The following DGKG variants were observed in gnomAD, a reference collection of about 807,000 sequenced individuals.
DGKG encodes the protein diacylglycerol kinase gamma.
Under a neutral mutation model 105.3 loss-of-function variants are expected in DGKG, and 78 were observed. The ratio of observed to expected loss-of-function variants is 0.74; its 90% confidence interval spans 0.62 to 0.89. DGKG has a LOEUF of 0.89. Among genes scored for constraint, DGKG ranks in the 40% least tolerant of loss-of-function variants. DGKG has a pLI of 0.00. For synonymous variants in DGKG, 346 were observed against 367.1 expected, an observed-to-expected ratio of 0.94 and a Z score of 0.66; for missense variants, 958 against 1,020.1, an observed-to-expected ratio of 0.94 and a Z score of 0.83.
chr3:186,353,702 A>ATATCTATATCTATATC lies in DGKG; in HGVS notation c.-249+8243_-249+8244insGATATAGATATAGATA, dbSNP rs1553825821. ...TATATCTATATCTATATCTATATCTATATAACAGTGGACTCTGTTCCACTC... is the reference window on the plus strand; with the variant it reads ...TATATCTATATCTATATCTATATCTATATCTATATCTATATCTATAACAGTGGACTCTGTTCCACTC... On this transcript the variant is annotated intron_variant, in intron 1 of 24. Coordinates refer to ENST00000265022, the MANE Select transcript of DGKG (RefSeq NM_001346.3). Among the ~76,000 whole-genome samples the ATATCTATATCTATATC allele has an allele frequency of 3.2e-3, 398 of 125,850 alleles. 1 individual carries two copies. Among genetic ancestry groups the ATATCTATATCTATATC allele is most frequent in the Admixed American group, 5.5e-3 (70 of 12,812 alleles). 82.6% of individuals were successfully genotyped at this position (125,850 alleles called of 152,430 possible). A position where few individuals can be genotyped will look rare whatever the true frequency, so the allele number is the denominator to read the frequency against.
intron 16 of DGKG, among the ~76,000 whole-genome samples, chr3:186,259,814 A>G (rs1721671765): frequency 6.6e-6 from 1 of 152,166 alleles, no homozygotes; most frequent in African/African-American, 2.4e-5. Context: ...GCAGCTCACC[A>G]TTAGCCGCAG....
chr3:186,261,563 G>C, intron 15 of DGKG, 136 bp downstream of exon 15: 2 of 703,144 alleles, frequency 2.8e-6, no homozygotes, highest in Admixed American at 2.1e-5. Flanking sequence ...ACTTGGGCCA[G>C]GTCATAAAGT....
At chr3:186,186,404 T>C (rs1255303538) in intron 22 of DGKG, among the ~76,000 whole-genome samples, 1 of 152,122 alleles carries the variant, frequency 6.6e-6, no homozygotes, top group Non-Finnish European at 1.5e-5. Flanking sequence ...GTAGCAATGG[T>C]GTTCAAACCT....
intron 2 of DGKG, among the ~76,000 whole-genome samples, chr3:186,311,199 C>G (rs555182861): frequency 2.0e-5 from 3 of 152,236 alleles, no homozygotes; most frequent in East Asian, 3.9e-4. Flanking sequence ...TAAAAGCTTC[C>G]TGGAATTCAG....
chr3:186,272,889 G>A (rs1160149450), intron 10 of DGKG, among the ~76,000 whole-genome samples: 6 of 152,014 alleles, frequency 3.9e-5, no homozygotes, highest in Admixed American at 6.6e-5. Context: ...CACCACGCCC[G>A]GCTAATTTTT....
At chr3:186,332,158 T>G (rs6770885) in intron 1 of DGKG, among the ~76,000 whole-genome samples, 48,293 of 152,070 alleles carry the variant, frequency 0.32, 9,354 homozygotes, top group African/African-American at 0.55. Flanking sequence ...GAAGCCAGAA[T>G]AAAAACCATG....
chr3:186,277,831 A>G (rs1443935258), intron 9 of DGKG, among the ~76,000 whole-genome samples: 1 of 152,092 alleles, frequency 6.6e-6, no homozygotes, highest in African/African-American at 2.4e-5. Flanking sequence ...TGTTTTGCAA[A>G]TATCTCATTC....
intron 5 of DGKG, among the ~76,000 whole-genome samples, chr3:186,291,338 A>G (rs1460984649): frequency 6.6e-6 from 1 of 151,622 alleles, no homozygotes; most frequent in African/African-American, 2.4e-5. Context: ...AACGTTCTTA[A>G]TATTTTAGCA....
Position 186,349,438 on chromosome 3 carries a change from T to C in DGKG, c.-249+12508A>G, listed in dbSNP as rs1392313789. On this transcript the variant is annotated intron_variant, in intron 1 of 24. Coordinates refer to ENST00000265022, the MANE Select transcript of DGKG (RefSeq NM_001346.3). ...TTTCAAAGCAGGCAAAGTTTCACAA[T>C]CTCAGATTGCTCTCTTTCAGATTGC... Among the ~76,000 whole-genome samples the C allele has an allele frequency of 2.6e-5, 4 of 152,344 alleles. No homozygotes were observed. In the East Asian group the frequency reaches 5.8e-4, roughly 22 times the overall value.
intron 19 of DGKG, 72 bp from the exon 20 acceptor site, chr3:186,242,640 A>C (rs1720744562): frequency 1.5e-6 from 2 of 1,327,892 alleles, no homozygotes; most frequent in Non-Finnish European, 2.1e-6. Context: ...GAAGGGACGC[A>C]CGCATGCACT....
At chr3:186,162,051 C>T (rs139862974) in intron 23 of DGKG, among the ~76,000 whole-genome samples, 7 of 152,280 alleles carry the variant, frequency 4.6e-5, no homozygotes, top group African/African-American at 1.4e-4. Context: ...TGTGCCACCA[C>T]ACCCAGTTAA....
At chr3:186,280,014 C>T (rs1166273606) in intron 8 of DGKG, 41 bp from the exon 9 acceptor site, 18 of 1,610,806 alleles carry the variant, frequency 1.1e-5, no homozygotes, top group African/African-American at 2.7e-5. Context: ...TTTTCATCAT[C>T]GACATGTCTA....
intron 1 of DGKG, among the ~76,000 whole-genome samples, chr3:186,344,923 G>A (rs1726258264): frequency 6.6e-6 from 1 of 152,030 alleles, no homozygotes; most frequent in Non-Finnish European, 1.5e-5. Flanking sequence ...ATATTACGCA[G>A]CATATAATTT....
chr3:186,233,503 G>A (rs1211941778), intron 20 of DGKG, among the ~76,000 whole-genome samples: 1 of 152,136 alleles, frequency 6.6e-6, no homozygotes, highest in African/African-American at 2.4e-5. Flanking sequence ...TTTTTGAGAC[G>A]GAGTCTCGCT....
chr3:186,172,138 C>T (rs35399753), intron 22 of DGKG, among the ~76,000 whole-genome samples: 13 of 152,312 alleles, frequency 8.5e-5, no homozygotes, highest in Admixed American at 7.2e-4. Context: ...TGAGCCACCG[C>T]GCCCAGTGCC....
intron 13 of DGKG, among the ~76,000 whole-genome samples, chr3:186,266,360 G>A (rs1257533151): frequency 6.6e-6 from 1 of 152,146 alleles, no homozygotes; most frequent in Admixed American, 6.5e-5. Flanking sequence ...GCCAGATGCC[G>A]ATATGCCTCA....
intron 24 of DGKG, among the ~76,000 whole-genome samples, chr3:186,157,796 G>GA (rs1716109590): frequency 1.3e-5 from 2 of 152,120 alleles, no homozygotes. Flanking sequence ...CTCTGCCTCT[G>GA]AGTTCAAGCG....
At chr3:186,259,800 A>T (rs1721670040) in intron 16 of DGKG, among the ~76,000 whole-genome samples, 1 of 152,046 alleles carries the variant, frequency 6.6e-6, no homozygotes, top group Non-Finnish European at 1.5e-5. Flanking sequence ...CATCACAGAG[A>T]CCTGCAGCTC....
intron 1 of DGKG, among the ~76,000 whole-genome samples, chr3:186,331,335 T>A (rs960979498): frequency 1.1e-4 from 17 of 152,212 alleles, no homozygotes; most frequent in Non-Finnish European, 1.8e-4. Context: ...ATTTCACAGA[T>A]AACTGAATTA....
Sources: gnomAD v4.1 joint callset for allele counts (sites outside exome capture counted in the v4.1 genomes callset) on GRCh38, gnomAD v4.1.1 for gene constraint, MANE v1.5 for transcripts, NCBI Gene and HGNC (gene_info 2026-07-23, HGNC 2026-07-21) for gene names.